Variants in ERC1 observed in about 807,000 individuals in gnomAD.
The protein encoded by ERC1 is RAB6 interacting protein 2.
In ERC1, 56 loss-of-function variants were observed where a neutral mutation model predicts 132.0. The ratio of observed to expected loss-of-function variants is 0.42; its 90% CI spans 0.34 to 0.53. The LOEUF is 0.53. Ranked by LOEUF, ERC1 falls within the 20% of genes least tolerant of loss-of-function variation. The pLI is 0.03. For missense variants in ERC1, 1,202 were observed against 1,349.9 expected (o/e 0.89, Z 1.72); for synonymous variants, 478 against 476.1 (o/e 1.00, Z -0.05).
chr12:1,346,953 A>C (rs1248960821), intron 15 of ERC1, among the ~76,000 whole-genome samples: 2 of 151,174 alleles, frequency 1.3e-5, no homozygotes, highest in Non-Finnish European at 3.0e-5. Flanking sequence ...CGTCTCAAAA[A>C]AAAAAAAAGA....
chr12:1,266,891 C>G (rs1040202324), intron 14 of ERC1, among the ~76,000 whole-genome samples: 1 of 152,144 alleles, frequency 6.6e-6, no homozygotes, highest in African/African-American at 2.4e-5. Flanking sequence ...GAAAGAATGA[C>G]TTTTTCTGAT....
rs566738410 is a variant in ERC1 at position 1,456,564 on chromosome 12, G to C, written c.3213+11814G>C. 2.0e-5 allele frequency among the ~76,000 whole-genome samples: 3 copies of C among 152,098 alleles called. No homozygotes were observed. The South Asian group carries it at 6.2e-4, about 32-fold the overall frequency. On this transcript the variant is annotated intron_variant, in intron 18 of 18. Coordinates refer to ENST00000360905, the MANE Select transcript of ERC1 (RefSeq NM_178040.4). Reference sequence around the variant, plus strand: ...TTCTAAATATCTTGTATACATTGAAGAACAGCCATTATTTTATCTCTTCAA... The same window carrying C: ...TTCTAAATATCTTGTATACATTGAACAACAGCCATTATTTTATCTCTTCAA...
At chr12:1,285,993 CTACTG>C (rs1441987957) in intron 14 of ERC1, among the ~76,000 whole-genome samples, 1 of 152,110 alleles carries the variant, frequency 6.6e-6, no homozygotes, top group African/African-American at 2.4e-5. Context: ...CAGTAGAAAA[CTACTG>C]TAATCCTGGC....
At chr12:1,299,362 A>G (rs544275741) in intron 15 of ERC1, among the ~76,000 whole-genome samples, 2 of 152,238 alleles carry the variant, frequency 1.3e-5, no homozygotes, top group Non-Finnish European at 2.9e-5. Context: ...AGAAGTTAAT[A>G]AGATACTTAG....
chr12:1,215,526 T>C (rs1958317399), intron 12 of ERC1, among the ~76,000 whole-genome samples: 1 of 152,194 alleles, frequency 6.6e-6, no homozygotes, highest in South Asian at 2.1e-4. Context: ...TTTACAGTAT[T>C]ACAATTTATC....
At chr12:1,250,148 G>A (rs1409938920) in intron 13 of ERC1, among the ~76,000 whole-genome samples, 1 of 152,190 alleles carries the variant, frequency 6.6e-6, no homozygotes, top group East Asian at 1.9e-4. Context: ...TGGCTTCTCT[G>A]TTTTACACAA....
chr12:1,487,777 GAGGA>G (rs1283340520), intron 18 of ERC1, among the ~76,000 whole-genome samples: 18 of 35,974 alleles, frequency 5.0e-4, no homozygotes, highest in African/African-American at 1.0e-3. Flanking sequence ...GGGAGGGAGG[GAGGA>G]AGGAAGAAAA....
intron 2 of ERC1, among the ~76,000 whole-genome samples, chr12:1,077,884 C>T (rs1941595824): frequency 6.6e-6 from 1 of 152,094 alleles, no homozygotes; most frequent in South Asian, 2.1e-4. Flanking sequence ...TAAAATAAAG[C>T]TAGCCTGATT....
rs905955757 is a variant in ERC1 at position 1,199,647 on chromosome 12, A to C, written c.2351+9595A>C. ...AAAAAAATTAGCCGGGCATGGTGGCAGGCACCTGTAATCCCAGCTATTTGG... is the reference window on the plus strand; with the variant it reads ...AAAAAAATTAGCCGGGCATGGTGGCCGGCACCTGTAATCCCAGCTATTTGG... On this transcript the variant is annotated intron_variant, in intron 12 of 18. Coordinates refer to ENST00000360905, the MANE Select transcript of ERC1 (RefSeq NM_178040.4). Among the ~76,000 whole-genome samples the C allele has an allele frequency of 2.3e-4, 35 of 152,042 alleles. 1 individual carries two copies. Among genetic ancestry groups the C allele is most frequent in the Admixed American group, 1.3e-3 (20 of 15,274 alleles).
At chr12:1,128,214 G>C (rs1452624907) in intron 7 of ERC1, among the ~76,000 whole-genome samples, 2 of 152,082 alleles carry the variant, frequency 1.3e-5, no homozygotes, top group Non-Finnish European at 2.9e-5. Context: ...AGAACAAATG[G>C]AGTGATCAGA....
At chr12:1,056,082 TTTA>T (rs1027159519) in intron 2 of ERC1, among the ~76,000 whole-genome samples, 7 of 135,550 alleles carry the variant, frequency 5.2e-5, no homozygotes, top group East Asian at 2.0e-4. Context: ...TTTTTTTTTT[TTTA>T]AAAAAAAGGT....
Position 1,028,076 on chromosome 12 carries a change from A to G in ERC1, c.173A>G (p.Asn58Ser). Residue 58 changes from asparagine to serine, a missense_variant, in exon 2 of 19, where the codon AAT becomes AGT. Transcript: ENST00000360905. ...AGTGGGAAAACCCTTTCAATGGAAA[A>G]TATACAATCTTTAAATGCTGCCTAT... is the stretch of plus-strand genomic sequence containing the variant. The part of the protein sequence containing the change: ...GGSGKTLSME[N>S]IQSLNAAYAT... 2 of 1,614,152 alleles carry G rather than the reference A, an allele frequency of 1.2e-6. No individual in the cohort carries two copies. Among genetic ancestry groups the G allele is most frequent in the Non-Finnish European group, 1.7e-6 (2 of 1,180,030 alleles).
chr12:1,288,692 T>TATAC (rs2079203962), intron 14 of ERC1, among the ~76,000 whole-genome samples: 1 of 152,198 alleles, frequency 6.6e-6, no homozygotes, highest in Admixed American at 6.5e-5. Context: ...GGGGTTTATG[T>TATAC]AGGAGTCAAT....
At chr12:1,303,964 A>G (rs10848457) in intron 15 of ERC1, among the ~76,000 whole-genome samples, 9 of 148,210 alleles carry the variant, frequency 6.1e-5, no homozygotes, top group Non-Finnish European at 8.9e-5. Context: ...AGAAAAAAAA[A>G]AAAAAAGAAT....
Position 1,236,654 on chromosome 12 carries a change from A to ATTT in ERC1, c.2352-114_2352-112dup, listed in dbSNP as rs1471519696. The ATTT allele has an allele frequency of 9.6e-6, 10 of 1,040,660 alleles. No individual in the cohort carries two copies. The East Asian group carries it at 2.4e-4, about 25-fold the overall frequency. The allele number at this position is 1,040,660 out of a possible 1,614,324, so 64.5% of individuals were successfully genotyped here. The stretch of plus-strand genomic sequence containing the variant: ...ATTGTTGAAAAATTTCGCAGCATGT[A>ATTT]TTTATTCGTTGGTTTTCAGCCATTC... On this transcript the variant is annotated intron_variant, in intron 12 of 18. Coordinates refer to ENST00000360905, the MANE Select transcript of ERC1 (RefSeq NM_178040.4).
At chr12:1,059,193 C>A (rs1973566169) in intron 2 of ERC1, among the ~76,000 whole-genome samples, 1 of 152,126 alleles carries the variant, frequency 6.6e-6, no homozygotes, top group Admixed American at 6.6e-5. Context: ...TTTTATCCTG[C>A]AACTTTAGTG....
At chr12:1,357,524 G>A (rs2085658117) in intron 15 of ERC1, among the ~76,000 whole-genome samples, 2 of 152,200 alleles carry the variant, frequency 1.3e-5, no homozygotes. Flanking sequence ...AATGTAAGAA[G>A]ACTTTATTTA....
intron 12 of ERC1, among the ~76,000 whole-genome samples, chr12:1,195,160 T>G (rs1255373450): frequency 3.3e-5 from 5 of 152,184 alleles, no homozygotes; most frequent in Non-Finnish European, 5.9e-5. Flanking sequence ...TTAAGCTGAT[T>G]GTTTGAGCTT....
chr12:1,163,851 G>T (rs1409046498), intron 8 of ERC1, among the ~76,000 whole-genome samples: 1 of 152,104 alleles, frequency 6.6e-6, no homozygotes, highest in Non-Finnish European at 1.5e-5. Context: ...TAGTAGCTGG[G>T]ATTACAGGCA....
Sources: allele counts gnomAD v4.1 joint callset (sites outside exome capture counted in the v4.1 genomes callset), GRCh38; gene constraint gnomAD v4.1.1; transcripts MANE v1.5; gene names NCBI Gene and HGNC (gene_info 2026-07-23, HGNC 2026-07-21).